Variants in SYNDIG1 observed in about 807,000 individuals in gnomAD.
SYNDIG1 encodes synapse differentiation inducing 1.
SYNDIG1 carries 9 observed loss-of-function variants against 19.4 expected under a neutral mutation model. The observed-to-expected ratio is 0.46, with a 90% CI of 0.28 to 0.81. The LOEUF is 0.81. Among genes scored for constraint, SYNDIG1 ranks in the 30% least tolerant of loss-of-function variants. SYNDIG1 has a pLI of 0.12. For missense variants in SYNDIG1, 311 were observed against 343.3 expected, an observed-to-expected ratio of 0.91 and a Z score of 0.74; for synonymous variants, 141 against 145.9, an observed-to-expected ratio of 0.97 and a Z score of 0.24.
At chr20:24,483,323 G>A (rs186546016) in intron 1 of SYNDIG1, among the ~76,000 whole-genome samples, 305 of 152,296 alleles carry the variant, frequency 2.0e-3, no homozygotes, top group Non-Finnish European at 3.3e-3. Flanking sequence ...GGGGTTACAT[G>A]TGGATTTCAT....
At chr20:24,514,322 A>G (rs1474591485) in intron 1 of SYNDIG1, among the ~76,000 whole-genome samples, 2 of 152,236 alleles carry the variant, frequency 1.3e-5, no homozygotes, top group Non-Finnish European at 1.5e-5. Flanking sequence ...TAAAAGACAT[A>G]AACTGGCAAA....
intron 1 of SYNDIG1, among the ~76,000 whole-genome samples, chr20:24,488,932 G>A (rs1459523211): frequency 2.6e-5 from 4 of 152,284 alleles, no homozygotes; most frequent in African/African-American, 9.6e-5. Context: ...CTGGGGTCAG[G>A]ATTTTCCTCC....
At chr20:24,649,307 T>A (rs1481145208) in intron 3 of SYNDIG1, among the ~76,000 whole-genome samples, 1 of 152,226 alleles carries the variant, frequency 6.6e-6, no homozygotes, top group Non-Finnish European at 1.5e-5. Flanking sequence ...ATAATTTTCT[T>A]TGGTGGTTCC....
chr20:24,598,715 C>T (rs1266916950), intron 3 of SYNDIG1, among the ~76,000 whole-genome samples: 1 of 152,192 alleles, frequency 6.6e-6, no homozygotes, highest in Non-Finnish European at 1.5e-5. Flanking sequence ...TACTATTTTT[C>T]CCATGGAAAC....
intron 3 of SYNDIG1, among the ~76,000 whole-genome samples, chr20:24,596,403 G>A (rs903220290): frequency 2.0e-4 from 30 of 151,530 alleles, no homozygotes; most frequent in Admixed American, 1.6e-3. Flanking sequence ...TTTTGAGATG[G>A]AGTCTCACTC....
intron 1 of SYNDIG1, among the ~76,000 whole-genome samples, chr20:24,542,357 C>G (rs894623107): frequency 3.3e-5 from 5 of 152,308 alleles, no homozygotes; most frequent in Admixed American, 3.3e-4. Flanking sequence ...CAGCTGGGAT[C>G]GTGTTAAAAT....
chr20:24,583,551 G>A (rs1415920837), intron 2 of SYNDIG1, among the ~76,000 whole-genome samples: 1 of 152,224 alleles, frequency 6.6e-6, no homozygotes, highest in African/African-American at 2.4e-5. Context: ...AGGCAGGGTG[G>A]CCCTGGCGTT....
rs375912077 is a variant in SYNDIG1, at chr20:24,616,522, C to G, written c.618+31529C>G. 1.4e-3 allele frequency among the ~76,000 whole-genome samples: 210 copies of G among 152,392 alleles called. 2 individuals are homozygous for G. The highest frequency in any genetic ancestry group is 5.0e-3 in the African/African-American group (208 of 41,600). ...CCCCTCTGGCAGTGAAAGGCCTGCC[C>G]TCTGCACTCTCAGCCACCTCAGGGC... On this transcript the variant is annotated intron_variant, in intron 3 of 3. Coordinates refer to ENST00000376862, the MANE Select transcript of SYNDIG1 (RefSeq NM_024893.3).
At chr20:24,606,837 C>T (rs2058763656) in intron 3 of SYNDIG1, among the ~76,000 whole-genome samples, 1 of 152,142 alleles carries the variant, frequency 6.6e-6, no homozygotes, top group African/African-American at 2.4e-5. Context: ...AATGATTACC[C>T]CTGGATGCTG....
At chr20:24,480,055 A>C (rs777677611) in intron 1 of SYNDIG1, among the ~76,000 whole-genome samples, 2 of 152,148 alleles carry the variant, frequency 1.3e-5, no homozygotes, top group Non-Finnish European at 2.9e-5. Flanking sequence ...CCCCACCTGC[A>C]GTTGGCTACC....
chr20:24,481,148 AC>A lies in SYNDIG1; in HGVS notation c.-79+11396del, dbSNP rs145376099. The stretch of plus-strand genomic sequence containing the variant: ...TTTTTTGCCACAATAAAAAAAAACT[AC>A]ATTAATTGGAAATGTAAGATTCTAG... On this transcript the variant is annotated intron_variant, in intron 1 of 3. Transcript: ENST00000376862. 2.0e-3 allele frequency among the ~76,000 whole-genome samples: 299 copies of A among 152,350 alleles called. 2 individuals carry two copies. Among genetic ancestry groups the A allele is most frequent in the African/African-American group, 6.9e-3 (287 of 41,582 alleles).
chr20:24,483,610 G>A (rs1224309472), intron 1 of SYNDIG1, among the ~76,000 whole-genome samples: 1 of 152,244 alleles, frequency 6.6e-6, no homozygotes, highest in Non-Finnish European at 1.5e-5. Context: ...CCAGCCTGAG[G>A]AAGCCCCTCT....
intron 2 of SYNDIG1, among the ~76,000 whole-genome samples, chr20:24,584,583 T>G (rs558858217): frequency 6.6e-6 from 1 of 152,312 alleles, no homozygotes; most frequent in East Asian, 1.9e-4. Context: ...TACTGCTTTC[T>G]GTAGGATTTC....
At chr20:24,519,019 CAA>C (rs1433798845) in intron 1 of SYNDIG1, among the ~76,000 whole-genome samples, 2 of 152,308 alleles carry the variant, frequency 1.3e-5, no homozygotes, top group African/African-American at 2.4e-5. Flanking sequence ...GAGAATAACT[CAA>C]GAGCAAATGG....
chr20:24,665,194 C>T (rs769259281), intron 3 of SYNDIG1, 152 bp from the exon 4 acceptor site: 6 of 917,010 alleles, frequency 6.5e-6, no homozygotes, highest in Non-Finnish European at 9.7e-6. Context: ...AAGAACTGCC[C>T]TGGTCATAGC....
intron 1 of SYNDIG1, among the ~76,000 whole-genome samples, chr20:24,488,475 C>G (rs1017894936): frequency 2.0e-5 from 3 of 152,208 alleles, no homozygotes; most frequent in African/African-American, 7.2e-5. Flanking sequence ...AATGGTAGAC[C>G]AGCTGGACAA....
intron 3 of SYNDIG1, among the ~76,000 whole-genome samples, chr20:24,590,085 G>T (rs1210217903): frequency 1.3e-5 from 2 of 152,238 alleles, no homozygotes; most frequent in Non-Finnish European, 2.9e-5. Flanking sequence ...ATTAGCTGCG[G>T]ATGGACATGG....
intron 3 of SYNDIG1, among the ~76,000 whole-genome samples, chr20:24,626,977 G>A (rs2059153643): frequency 6.6e-6 from 1 of 152,214 alleles, no homozygotes; most frequent in South Asian, 2.1e-4. Flanking sequence ...TCGGCAGGCT[G>A]AGGCAGGAGA....
rs936956782 is a variant in SYNDIG1, at chr20:24,499,176, C to T, written c.-79+29423C>T. Among the ~76,000 whole-genome samples, 4 of 152,198 alleles carry T rather than the reference C, an allele frequency of 2.6e-5. No individual in the cohort carries two copies. The East Asian group carries it at 5.8e-4, about 22-fold the overall frequency. On this transcript the variant is annotated intron_variant, in intron 1 of 3. Coordinates refer to ENST00000376862, the MANE Select transcript of SYNDIG1 (RefSeq NM_024893.3). The stretch of plus-strand genomic sequence containing the variant: ...AGTAGCTAGGATTACAGGTGTGCAG[C>T]ATCATGCCCAGCTAATTCTTGTATT...
Sources: gnomAD v4.1 joint callset for allele counts (sites outside exome capture counted in the v4.1 genomes callset) on GRCh38, gnomAD v4.1.1 for gene constraint, MANE v1.5 for transcripts, NCBI Gene and HGNC (gene_info 2026-07-23, HGNC 2026-07-21) for gene names.